The following ABCA12 variants were observed in gnomAD, a reference collection of about 807,000 sequenced individuals.
ABCA12 encodes ATP binding cassette subfamily A member 12, also known as glucosylceramide transporter ABCA12.
In ABCA12, 156 loss-of-function variants were observed where a neutral mutation model predicts 293.5. The ratio of observed to expected loss-of-function variants is 0.53; its 90% confidence interval spans 0.47 to 0.61. ABCA12 has a LOEUF of 0.61. Ranked by LOEUF, ABCA12 falls within the 20% of genes least tolerant of loss-of-function variation. The pLI, the probability that ABCA12 is intolerant of heterozygous loss-of-function variation, is 0.00. For synonymous variants in ABCA12, 1,063 were observed against 1,108.0 expected (o/e 0.96, Z 0.81); for missense variants, 2,797 against 3,090.2 (o/e 0.91, Z 2.25).
At chr2:215,054,447 G>T in intron 4 of ABCA12, 126 bp downstream of exon 4, 1 of 816,908 alleles carries the variant, frequency 1.2e-6, no homozygotes, top group Non-Finnish European at 2.1e-6. Flanking sequence ...GGAACGTTTA[G>T]ATCTCACAGG....
In ABCA12 at chr2:214,955,349, A is replaced by G. The variant is rs1348627479; in HGVS notation, c.6246T>C (p.Phe2082=). The change falls in exon 43 of 53, where the codon TTT becomes TTC. Residue 2082 remains phenylalanine, a synonymous_variant. Transcript: ENST00000272895. ...LLLLLFGYAT[F]SWMYLLAGLF... is the part of the protein sequence containing the mutation. ...GCCCAGCCAGCAAGTACATCCAGGA[A>G]AATGTTGCATACCTGCAGGTTAAAA... 6.2e-7 allele frequency: 1 copy of G among 1,614,106 alleles called. No homozygotes were observed. Among genetic ancestry groups the G allele is most frequent in the Non-Finnish European group, 8.5e-7 (1 of 1,179,974 alleles).
chr2:215,058,082 T>G (rs1281482816), intron 3 of ABCA12, among the ~76,000 whole-genome samples: 1 of 152,018 alleles, frequency 6.6e-6, no homozygotes, highest in Non-Finnish European at 1.5e-5. Context: ...CCATTTGTGT[T>G]TGTTATAGAG....
At position 215,054,595 on chromosome 2, in the gene ABCA12, T is replaced by G; in HGVS notation, c.387A>C (p.Pro129=). 1 of 1,612,056 alleles carries G rather than the reference T, an allele frequency of 6.2e-7. No homozygotes were observed. The highest frequency in any genetic ancestry group is 8.5e-7 in the Non-Finnish European group (1 of 1,178,482). ...TACCTAGTGATGCATGCCTTCTTTC[T>G]GGAACTTGGGTGCTCTGGAATGATA... is the stretch of plus-strand genomic sequence containing the variant. The part of the protein sequence containing the change: ...SSLSFQSTQV[P]ERRHASLATV... The change falls in exon 4 of 53, where the codon CCA becomes CCC. Residue 129 remains proline (P), a synonymous_variant. Coordinates refer to ENST00000272895, the MANE Select transcript of ABCA12 (RefSeq NM_173076.3).
chr2:215,138,101 G>A (rs747034627), intron 1 of ABCA12, 39 bp downstream of exon 1: 55 of 1,585,882 alleles, frequency 3.5e-5, no homozygotes, highest in Non-Finnish European at 4.2e-5. Flanking sequence ...CTGGCGTATT[G>A]CCCCATGACC....
At position 214,991,003 on chromosome 2, in the gene ABCA12, C is replaced by A; in HGVS notation, c.3323G>T (p.Cys1108Phe). Residue 1108 changes from cysteine to phenylalanine, a missense_variant, in exon 24 of 53, where the codon TGC becomes TTC. Cys to Phe is a radical substitution (Grantham distance 205). Coordinates refer to ENST00000272895, the MANE Select transcript of ABCA12 (RefSeq NM_173076.3). ...EYMKMMGVNS[C>F]SHFFAWLIES... Reference sequence around the variant, plus strand: ...TATAAGCCAGGCAAAGAAATGGCTGCAGGAGTTCACACCCATCATCTTCAT... The same window carrying A: ...TATAAGCCAGGCAAAGAAATGGCTGAAGGAGTTCACACCCATCATCTTCAT... 1 of 1,613,928 alleles carries A rather than the reference C, an allele frequency of 6.2e-7. No individual in the cohort carries two copies. The highest frequency in any genetic ancestry group is 8.5e-7 in the Non-Finnish European group (1 of 1,179,968).
chr2:214,978,373 C>G lies in ABCA12; in HGVS notation c.5071G>C (p.Gly1691Arg). The stretch of plus-strand genomic sequence containing the variant: ...GATAAATCGTCAGGAGTTGAGATGC[C>G]ATTGGCATTGGAATTCCCAATTTTC... ...QKKIGNSNAN[G>R]ISTPDDLSVS... The change falls in exon 33 of 53, where the codon GGC becomes CGC. Residue 1691 changes from glycine (G) to arginine (R), a missense_variant. Gly to Arg is a moderately radical substitution (Grantham distance 125). Transcript: ENST00000272895. The G allele has an allele frequency of 6.2e-7, 1 of 1,614,000 alleles. No homozygotes were observed. Among genetic ancestry groups the G allele is most frequent in the East Asian group, 2.2e-5 (1 of 44,844 alleles).
At chr2:215,082,198 C>T (rs1701957617) in intron 2 of ABCA12, among the ~76,000 whole-genome samples, 3 of 151,854 alleles carry the variant, frequency 2.0e-5, no homozygotes, top group Admixed American at 2.0e-4. Flanking sequence ...GTGCCCGCCA[C>T]CGTGCCCAGC....
chr2:215,028,191 G>A (rs571782069), intron 9 of ABCA12, among the ~76,000 whole-genome samples: 6 of 152,130 alleles, frequency 3.9e-5, no homozygotes, highest in Non-Finnish European at 8.8e-5. Context: ...ATTAAAATGC[G>A]AGTGGGAACG....
At chr2:214,987,577 A>T in intron 27 of ABCA12, 70 bp downstream of exon 27, 1 of 1,541,828 alleles carries the variant, frequency 6.5e-7, no homozygotes, top group South Asian at 1.2e-5. Flanking sequence ...AAAATAATTG[A>T]AACTACTAGT....
intron 45 of ABCA12, among the ~76,000 whole-genome samples, chr2:214,950,311 T>C (rs1438967749): frequency 6.6e-6 from 1 of 151,748 alleles, no homozygotes; most frequent in Non-Finnish European, 1.5e-5. Context: ...TATGGAGGGA[T>C]GACTCTATAT....
chr2:215,069,566 C>A (rs539641485), intron 2 of ABCA12, among the ~76,000 whole-genome samples: 1 of 152,140 alleles, frequency 6.6e-6, no homozygotes, highest in South Asian at 2.1e-4. Flanking sequence ...ATAAACTTGG[C>A]CTTTCAAAGT....
At chr2:215,136,184 C>T (rs76000790) in intron 1 of ABCA12, among the ~76,000 whole-genome samples, 2,255 of 152,232 alleles carry the variant, frequency 0.015, 29 homozygotes, top group Middle Eastern at 0.034. Context: ...TATTCTCCCT[C>T]CCTAGGAAAA....
chr2:214,975,026 A>G (rs563362228), intron 34 of ABCA12, among the ~76,000 whole-genome samples, 162 bp from the exon 35 acceptor site: 2 of 152,312 alleles, frequency 1.3e-5, no homozygotes, highest in South Asian at 4.1e-4. Flanking sequence ...GCAGTAGTGC[A>G]ATCACACGGC....
chr2:215,103,762 A>C (rs1328870189), intron 2 of ABCA12, among the ~76,000 whole-genome samples: 1 of 152,196 alleles, frequency 6.6e-6, no homozygotes, highest in Non-Finnish European at 1.5e-5. Context: ...CACTAATCTA[A>C]GTATATCAAG....
intron 2 of ABCA12, among the ~76,000 whole-genome samples, chr2:215,066,779 T>A (rs1226423705): frequency 6.6e-6 from 1 of 152,150 alleles, no homozygotes; most frequent in Non-Finnish European, 1.5e-5. Context: ...CAGAGTGCCA[T>A]GCAGAGCATG....
At chr2:215,100,596 T>C (rs1702338632) in intron 2 of ABCA12, among the ~76,000 whole-genome samples, 1 of 152,206 alleles carries the variant, frequency 6.6e-6, no homozygotes, top group Non-Finnish European at 1.5e-5. Context: ...TTAACACTTT[T>C]ACTTTAATTA....
chr2:215,136,668 A>G (rs1456428907), intron 1 of ABCA12, among the ~76,000 whole-genome samples: 1 of 152,168 alleles, frequency 6.6e-6, no homozygotes, highest in African/African-American at 2.4e-5. Context: ...TTTCATTATT[A>G]ATCTGCATAA....
chr2:215,129,027 G>T (rs1409332635), intron 1 of ABCA12, among the ~76,000 whole-genome samples: 3 of 152,180 alleles, frequency 2.0e-5, no homozygotes, highest in African/African-American at 7.2e-5. Flanking sequence ...TCCTGTGGAT[G>T]TGGCTTCCTG....
At position 215,009,447 on chromosome 2, in the gene ABCA12, T is replaced by C. The variant is rs142805269; in HGVS notation, c.2472+884A>G. 1.9e-4 allele frequency among the ~76,000 whole-genome samples: 27 copies of C among 145,612 alleles called. No homozygotes were observed. In the East Asian group the frequency reaches 3.3e-3, roughly 18 times the overall value. ...TGTAACAAACCTGCACTTGTAACCC[T>C]GAACTTAAAATAAAAGTTAAAAAAA... is the stretch of plus-strand genomic sequence containing the variant. On this transcript the variant is annotated intron_variant, in intron 18 of 52. Coordinates refer to ENST00000272895, the MANE Select transcript of ABCA12 (RefSeq NM_173076.3).
Sources: allele counts gnomAD v4.1 joint callset (sites outside exome capture counted in the v4.1 genomes callset), GRCh38; gene constraint gnomAD v4.1.1; transcripts MANE v1.5; gene names NCBI Gene and HGNC (gene_info 2026-07-23, HGNC 2026-07-21).